Variants in QTMAN observed in about 807,000 individuals in gnomAD.
QTMAN encodes queuosine-tRNA mannosyltransferase, also known as tRNA-queuosine alpha-mannosyltransferase.
the QTMAN span, among the ~76,000 whole-genome samples, chr2:144,280,925 T>C: frequency 6.6e-6 from 1 of 152,084 alleles, no homozygotes; most frequent in Non-Finnish European, 1.5e-5. Flanking sequence ...ATTATTATTA[T>C]ACTTTAAGTT....
At chr2:144,112,479 A>C in the QTMAN span, among the ~76,000 whole-genome samples, 1 of 152,254 alleles carries the variant, frequency 6.6e-6, no homozygotes. Context: ...TGGAAACATC[A>C]ATGGGCAAAG....
At chr2:144,002,444 T>C in the QTMAN span, among the ~76,000 whole-genome samples, 1 of 151,952 alleles carries the variant, frequency 6.6e-6, no homozygotes, top group Non-Finnish European at 1.5e-5. Flanking sequence ...TGTGAACTTG[T>C]CACTCAAGGA....
At chr2:144,288,510 G>A in the QTMAN span, among the ~76,000 whole-genome samples, 2 of 152,194 alleles carry the variant, frequency 1.3e-5, no homozygotes, top group African/African-American at 2.4e-5. Flanking sequence ...CACTAAAAAC[G>A]TTAAAGCACA....
At chr2:144,171,949 T>C in the QTMAN span, among the ~76,000 whole-genome samples, 7 of 152,130 alleles carry the variant, frequency 4.6e-5, no homozygotes, top group Non-Finnish European at 1.0e-4. Context: ...TGACACAAAA[T>C]GAAAATTATG....
At chr2:144,251,998 C>A in the QTMAN span, among the ~76,000 whole-genome samples, 1 of 151,166 alleles carries the variant, frequency 6.6e-6, no homozygotes, top group Non-Finnish European at 1.5e-5. Flanking sequence ...GAGTTGGAGA[C>A]CAGCCTAGGC....
chr2:144,227,805 A>G, the QTMAN span, among the ~76,000 whole-genome samples: 2 of 152,224 alleles, frequency 1.3e-5, no homozygotes, highest in Non-Finnish European at 2.9e-5. Flanking sequence ...TTCAACACTC[A>G]TTCTAATTCC....
the QTMAN span, among the ~76,000 whole-genome samples, chr2:144,249,632 C>T: frequency 1.3e-5 from 2 of 152,136 alleles, no homozygotes; most frequent in Non-Finnish European, 2.9e-5. Flanking sequence ...TGTTAATCAA[C>T]ATTAAAAATA....
At chr2:144,030,609 C>G in the QTMAN span, among the ~76,000 whole-genome samples, 5 of 151,800 alleles carry the variant, frequency 3.3e-5, no homozygotes, top group Non-Finnish European at 7.4e-5. Context: ...GGCTGGTTCT[C>G]TAACCTAGAT....
the QTMAN span, among the ~76,000 whole-genome samples, chr2:144,183,507 C>T: frequency 6.6e-6 from 1 of 152,080 alleles, no homozygotes; most frequent in African/African-American, 2.4e-5. Flanking sequence ...GACAAGGGGA[C>T]ATGTAATCAA....
At chr2:143,984,138 T>C in the QTMAN span, among the ~76,000 whole-genome samples, 4 of 152,220 alleles carry the variant, frequency 2.6e-5, no homozygotes, top group African/African-American at 9.7e-5. Flanking sequence ...ATTTATAACA[T>C]TGTACCAAGT....
At chr2:143,977,455 C>T in the QTMAN span, among the ~76,000 whole-genome samples, 1 of 152,154 alleles carries the variant, frequency 6.6e-6, no homozygotes, top group Non-Finnish European at 1.5e-5. Flanking sequence ...AGGCCATGCA[C>T]TATGCTTCTG....
chr2:144,260,985 G>A, the QTMAN span, among the ~76,000 whole-genome samples: 1 of 152,032 alleles, frequency 6.6e-6, no homozygotes, highest in African/African-American at 2.4e-5. Flanking sequence ...TAGGTTTTGA[G>A]CCTTTCTAGT....
chr2:144,080,318 GT>G, the QTMAN span, among the ~76,000 whole-genome samples: 1 of 152,026 alleles, frequency 6.6e-6, no homozygotes, highest in African/African-American at 2.4e-5. Flanking sequence ...TAAGAAAGGG[GT>G]ATTTCCATGA....
the QTMAN span, among the ~76,000 whole-genome samples, chr2:144,123,254 G>T: frequency 6.6e-6 from 1 of 152,018 alleles, no homozygotes; most frequent in African/African-American, 2.4e-5. Context: ...ATCACATATT[G>T]TTCTTAGAAT....
chr2:143,976,560 A>T, the QTMAN span, among the ~76,000 whole-genome samples: 11 of 151,414 alleles, frequency 7.3e-5, no homozygotes, highest in Admixed American at 7.2e-4. Flanking sequence ...AGGGCCACAC[A>T]CTCTTCACTC....
the QTMAN span, among the ~76,000 whole-genome samples, chr2:144,087,002 C>A: frequency 0.031 from 4,684 of 152,168 alleles, 191 homozygotes; most frequent in East Asian, 0.18. Context: ...GAGATCCTAT[C>A]ATTTAAATCA....
chr2:144,118,002 C>G, the QTMAN span, among the ~76,000 whole-genome samples: 1 of 151,974 alleles, frequency 6.6e-6, no homozygotes. Flanking sequence ...CCCGCCACCA[C>G]GCCCGGCTAA....
the QTMAN span, among the ~76,000 whole-genome samples, chr2:144,124,299 G>A: frequency 6.6e-6 from 1 of 152,054 alleles, no homozygotes; most frequent in Admixed American, 6.6e-5. Flanking sequence ...TTAACTTATG[G>A]TGTCATCATT....
At chr2:144,212,191 G>A in the QTMAN span, among the ~76,000 whole-genome samples, 10 of 152,272 alleles carry the variant, frequency 6.6e-5, no homozygotes, top group South Asian at 2.1e-4. Flanking sequence ...GGCTGGGTAC[G>A]GTGGCTCACG....
Sources: allele counts gnomAD v4.1 joint callset (sites outside exome capture counted in the v4.1 genomes callset), GRCh38; gene constraint gnomAD v4.1.1; transcripts MANE v1.5; gene names NCBI Gene and HGNC (gene_info 2026-07-23, HGNC 2026-07-21).